The following DCLK1 variants were observed in gnomAD, a reference collection of about 807,000 sequenced individuals.
DCLK1 encodes doublecortin like kinase 1.
Under a neutral mutation model 86.2 loss-of-function variants are expected in DCLK1, and 16 were observed. The ratio of observed to expected loss-of-function variants is 0.19; its 90% CI spans 0.13 to 0.28. DCLK1 has a LOEUF of 0.28. Among genes scored for constraint, DCLK1 ranks in the 10% least tolerant of loss-of-function variants. The pLI, the probability that DCLK1 is intolerant of heterozygous loss-of-function variation, is 1.00. For missense variants in DCLK1, 590 were observed against 940.2 expected (o/e 0.63, Z 4.87); for synonymous variants, 369 against 370.5 (o/e 1.00, Z 0.05).
chr13:35,774,314 T>C lies in DCLK1; in HGVS notation c.*221A>G. ...AAATTGCAAATTGGCCTTAACCCTT[T>C]GAGGACTCTATTAGCAGCAAATTAC... On this transcript the variant is annotated 3_prime_UTR_variant, in exon 17 of 17. Coordinates refer to ENST00000360631, the MANE Select transcript of DCLK1 (RefSeq NM_001330071.2). The C allele has an allele frequency of 3.3e-6, 2 of 602,292 alleles. No homozygotes were observed. Among genetic ancestry groups the C allele is most frequent in the Non-Finnish European group, 5.5e-6 (2 of 365,490 alleles). The allele number at this position is 602,292 out of a possible 1,614,324, so 37.3% of individuals were successfully genotyped here. A position where few individuals can be genotyped will look rare whatever the true frequency, so the allele number is the denominator to read the frequency against.
In DCLK1 at chr13:35,777,393, A is replaced by G. The variant is rs1268261638; in HGVS notation, c.2059-2694T>C. On this transcript the variant is annotated intron_variant, in intron 16 of 16. Coordinates refer to ENST00000360631, the MANE Select transcript of DCLK1 (RefSeq NM_001330071.2). ...CCCATGTGCATTGCTAACTAGGAAC[A>G]GAACTCAGTCTTCTCCTGTGCAAAG... Among the ~76,000 whole-genome samples the G allele has an allele frequency of 2.6e-5, 4 of 152,234 alleles. No homozygotes were observed. In the East Asian group the frequency reaches 7.7e-4, roughly 29 times the overall value.
intron 4 of DCLK1, among the ~76,000 whole-genome samples, chr13:35,872,372 T>A (rs1872333306): frequency 6.6e-6 from 1 of 152,232 alleles, no homozygotes. Context: ...CCAACCCTTT[T>A]CACAATACAG....
At chr13:35,878,588 A>G (rs1324637032) in intron 4 of DCLK1, among the ~76,000 whole-genome samples, 1 of 152,188 alleles carries the variant, frequency 6.6e-6, no homozygotes, top group Non-Finnish European at 1.5e-5. Flanking sequence ...AAGATCTAGT[A>G]TTTGATAGCA....
At chr13:35,789,072 A>C (rs1195421561) in intron 16 of DCLK1, among the ~76,000 whole-genome samples, 1 of 152,188 alleles carries the variant, frequency 6.6e-6, no homozygotes, top group African/African-American at 2.4e-5. Flanking sequence ...CTGGAATAAG[A>C]TGTTAGCTTT....
At chr13:35,785,163 C>A (rs953729976) in intron 16 of DCLK1, among the ~76,000 whole-genome samples, 28 of 152,226 alleles carry the variant, frequency 1.8e-4, no homozygotes, top group Middle Eastern at 6.8e-3. Flanking sequence ...TTTATTTAAT[C>A]GGGTTACCCA....
At chr13:35,810,529 T>C (rs2087120772) in intron 12 of DCLK1, among the ~76,000 whole-genome samples, 1 of 152,228 alleles carries the variant, frequency 6.6e-6, no homozygotes, top group Non-Finnish European at 1.5e-5. Context: ...TGAGAGTTAA[T>C]TACCATCGCT....
intron 15 of DCLK1, among the ~76,000 whole-genome samples, chr13:35,797,014 G>A (rs1394560095): frequency 1.3e-5 from 2 of 152,104 alleles, no homozygotes; most frequent in African/African-American, 4.8e-5. Context: ...GTGGAGACTG[G>A]GTGTCCACTA....
At chr13:35,947,500 G>A (rs780566397) in intron 3 of DCLK1, 43 bp from the exon 4 acceptor site, 1 of 1,537,604 alleles carries the variant, frequency 6.5e-7, no homozygotes, top group Non-Finnish European at 9.0e-7. Flanking sequence ...TGGTAGAACA[G>A]CAATTACAAC....
At chr13:35,786,520 C>A (rs373481276) in intron 16 of DCLK1, among the ~76,000 whole-genome samples, 3 of 152,266 alleles carry the variant, frequency 2.0e-5, no homozygotes, top group East Asian at 3.9e-4. Context: ...AGTGACCCCT[C>A]CTGGAAGGGA....
At chr13:35,911,139 A>AC (rs1593724431) in intron 4 of DCLK1, among the ~76,000 whole-genome samples, 1 of 150,610 alleles carries the variant, frequency 6.6e-6, no homozygotes. Context: ...AAAAAAAAAA[A>AC]AAAAACTAGC....
At chr13:35,832,028 C>T (rs1316719214) in intron 8 of DCLK1, among the ~76,000 whole-genome samples, 1 of 152,148 alleles carries the variant, frequency 6.6e-6, no homozygotes, top group Non-Finnish European at 1.5e-5. Context: ...CATGGTGGTT[C>T]ACACCTGTCG....
At chr13:35,910,468 C>G (rs1539541) in intron 4 of DCLK1, among the ~76,000 whole-genome samples, 91,482 of 152,102 alleles carry the variant, frequency 0.6, 30,208 homozygotes, top group Non-Finnish European at 0.74. Context: ...AATGAGAGGA[C>G]AGCTCCAAGA....
chr13:36,032,638 T>C (rs1039030573), intron 3 of DCLK1, among the ~76,000 whole-genome samples: 2 of 152,062 alleles, frequency 1.3e-5, no homozygotes, highest in Non-Finnish European at 2.9e-5. Context: ...TATGTTCCAA[T>C]AGGGGACAGT....
chr13:35,817,707 G>A (rs1183026452), intron 11 of DCLK1, among the ~76,000 whole-genome samples: 1 of 152,070 alleles, frequency 6.6e-6, no homozygotes, highest in African/African-American at 2.4e-5. Context: ...ATTACCATAA[G>A]GGGTACCATG....
At chr13:36,077,233 G>A in intron 3 of DCLK1, among the ~76,000 whole-genome samples, 1 of 152,110 alleles carries the variant, frequency 6.6e-6, no homozygotes, top group East Asian at 1.9e-4. Context: ...TCTCCTTTCT[G>A]TATCCCATGC....
intron 4 of DCLK1, among the ~76,000 whole-genome samples, chr13:35,921,694 G>A (rs759128522): frequency 2.6e-5 from 4 of 152,148 alleles, no homozygotes; most frequent in Non-Finnish European, 4.4e-5. Flanking sequence ...ATGAAAATTT[G>A]TTGACTGAAT....
In DCLK1 at chr13:35,914,344, T is replaced by TAC. The variant is rs1423771889; in HGVS notation, c.823+33013_823+33014insGT. 4.5e-3 allele frequency among the ~76,000 whole-genome samples: 83 copies of TAC among 18,510 alleles called. 1 individual carries two copies. The highest frequency in any genetic ancestry group is 0.012 in the African/African-American group (76 of 6,144). 12.1% of individuals were successfully genotyped at this position (18,510 alleles called of 152,430 possible). A position where few individuals can be genotyped will look rare whatever the true frequency, so the allele number is the denominator to read the frequency against. ...CAGAAAAAAAAAAAATATATATATA[T>TAC]ATATACATATATATATATATATATG... On this transcript the variant is annotated intron_variant, in intron 4 of 16. Coordinates refer to ENST00000360631, the MANE Select transcript of DCLK1 (RefSeq NM_001330071.2).
At chr13:36,089,608 G>T (rs9575265) in intron 3 of DCLK1, among the ~76,000 whole-genome samples, 26,444 of 152,030 alleles carry the variant, frequency 0.17, 2,719 homozygotes, top group East Asian at 0.44. Flanking sequence ...TCTGGCAAAA[G>T]CATCTTCTTT....
intron 3 of DCLK1, among the ~76,000 whole-genome samples, chr13:36,072,810 T>C (rs1168773479): frequency 6.6e-6 from 1 of 152,186 alleles, no homozygotes; most frequent in Non-Finnish European, 1.5e-5. Context: ...AAAACCACAG[T>C]AGTTATTTTA....
Sources: allele counts gnomAD v4.1 joint callset (sites outside exome capture counted in the v4.1 genomes callset), GRCh38; gene constraint gnomAD v4.1.1; transcripts MANE v1.5; gene names NCBI Gene and HGNC (gene_info 2026-07-23, HGNC 2026-07-21).